RASSF6: variants seen among roughly 807,000 people sequenced by gnomAD.
RASSF6 encodes the protein ras association domain-containing protein 6.
RASSF6 carries 52 observed loss-of-function variants against 44.0 expected under a neutral mutation model. The observed-to-expected ratio is 1.18, with a 90% CI of 0.95 to 1.49. The LOEUF is 1.49. Among genes scored for constraint, RASSF6 ranks in the 40% most tolerant of loss-of-function variants. The probability of loss-of-function intolerance (pLI) is 0.00; values close to 1 mark genes in which losing one functional copy is unlikely to be tolerated. For synonymous variants in RASSF6, 162 were observed against 124.6 expected, an observed-to-expected ratio of 1.30 and a Z score of -2.00; for missense variants, 464 against 393.3, an observed-to-expected ratio of 1.18 and a Z score of -1.52.
In RASSF6 at chr4:73,613,213, T is replaced by C. The variant is rs1165119952; in HGVS notation, c.-34-1384A>G. The stretch of plus-strand genomic sequence containing the variant: ...AATGGCATCCTCTGATAGCACATCA[T>C]TGGCAGGTCTCATGCAGGACACCTG... On this transcript the variant is annotated intron_variant, in intron 1 of 10. Transcript: ENST00000307439. 4.6e-5 allele frequency among the ~76,000 whole-genome samples: 7 copies of C among 152,332 alleles called. No individual in the cohort carries two copies. The South Asian group carries it at 1.2e-3, about 27-fold the overall frequency.
At chr4:73,584,099 A>G (rs1332450241) in intron 6 of RASSF6, among the ~76,000 whole-genome samples, 1 of 152,138 alleles carries the variant, frequency 6.6e-6, no homozygotes, top group African/African-American at 2.4e-5. Flanking sequence ...GGGACTATCA[A>G]TGCTACTTTA....
At chr4:73,604,784 C>A (rs1267157239) in intron 2 of RASSF6, among the ~76,000 whole-genome samples, 2 of 151,542 alleles carry the variant, frequency 1.3e-5, no homozygotes, top group African/African-American at 4.8e-5. Context: ...TTAAACATTA[C>A]ATTAAATATG....
chr4:73,598,661 AT>A lies in RASSF6; in HGVS notation c.122del (p.Asn41IlefsTer14). The A allele has an allele frequency of 6.5e-7, 1 of 1,536,730 alleles. No individual in the cohort carries two copies. Among genetic ancestry groups the A allele is most frequent in the Non-Finnish European group, 8.9e-7 (1 of 1,128,004 alleles). On this transcript the variant is annotated frameshift_variant, in exon 3 of 11. Coordinates refer to ENST00000307439, the MANE Select transcript of RASSF6 (RefSeq NM_177532.5). LOFTEE classifies it high-confidence loss of function. ...TTACCTCTCCATATAAAATATGCAG[AT>A]TTTTCTGGTTCTCATAAAAAATGTT... Reference protein sequence around the residue: ...TYNIFYENQKNLHILYGETED... With the variant: ...TYNIFYENQKXLHILYGETED...
intron 3 of RASSF6, among the ~76,000 whole-genome samples, chr4:73,597,286 C>A (rs566098317): frequency 6.6e-6 from 1 of 152,110 alleles, no homozygotes; most frequent in South Asian, 2.1e-4. Flanking sequence ...GGGAAAAAAC[C>A]AAACAACCCC....
chr4:73,581,930 G>T, intron 7 of RASSF6, 62 bp from the exon 8 acceptor site: 1 of 1,251,992 alleles, frequency 8.0e-7, no homozygotes, highest in South Asian at 1.3e-5. Context: ...TTTCTAACCT[G>T]ACCAGACCCA....
In RASSF6 at chr4:73,587,886, C is replaced by T. The variant is rs1275176831; in HGVS notation, c.336G>A (p.Leu112=). Residue 112 remains leucine (L), a synonymous_variant, in exon 5 of 11, where the codon CTG becomes CTA. Coordinates refer to ENST00000307439, the MANE Select transcript of RASSF6 (RefSeq NM_177532.5). ...CAGACATAGGAATCTGGGTCCTGTC[C>T]AGCTCACTAATACGATAGAGATCGT... ...EFDDLYRISE[L]DRTQIPMSEK... 3 of 1,610,418 alleles carry T rather than the reference C, an allele frequency of 1.9e-6. No homozygotes were observed. Among genetic ancestry groups the T allele is most frequent in the African/African-American group, 1.3e-5 (1 of 74,886 alleles).
intron 2 of RASSF6, among the ~76,000 whole-genome samples, chr4:73,599,826 A>T (rs1725164174): frequency 1.3e-5 from 2 of 152,176 alleles, no homozygotes; most frequent in South Asian, 4.1e-4. Context: ...CAACATCCTT[A>T]CAATGGCTTA....
chr4:73,593,635 T>C (rs1396833257), intron 3 of RASSF6, 42 bp from the exon 4 acceptor site: 1 of 1,578,578 alleles, frequency 6.3e-7, no homozygotes, highest in Non-Finnish European at 8.6e-7. Context: ...TTTTGTATTA[T>C]TTATAGACGG....
At chr4:73,614,293 G>A (rs1045445021) in intron 1 of RASSF6, among the ~76,000 whole-genome samples, 5 of 152,216 alleles carry the variant, frequency 3.3e-5, no homozygotes, top group Admixed American at 6.5e-5. Flanking sequence ...TGGTCTGAAT[G>A]TTTGTGTCCC....
intron 1 of RASSF6, among the ~76,000 whole-genome samples, chr4:73,619,800 TG>T (rs1266237447): frequency 5.3e-5 from 8 of 152,018 alleles, no homozygotes; most frequent in Non-Finnish European, 1.0e-4. Flanking sequence ...ATTTTTTTTT[TG>T]GTGGGGGGCA....
chr4:73,590,978 A>G (rs1196820900), intron 4 of RASSF6, among the ~76,000 whole-genome samples: 1 of 152,230 alleles, frequency 6.6e-6, no homozygotes, highest in Non-Finnish European at 1.5e-5. Flanking sequence ...GTGGCAGTAT[A>G]TGGAGAGGCA....
intron 1 of RASSF6, among the ~76,000 whole-genome samples, chr4:73,618,301 T>TTATCTATCTATCTATTTATCTATC (rs1726492084): frequency 6.7e-6 from 1 of 150,216 alleles, no homozygotes; most frequent in African/African-American, 2.4e-5. Flanking sequence ...TATAAAGTTG[T>TTATCTATCTATCTATTTATCTATC]TATCTATCTA....
Position 73,585,204 on chromosome 4 carries a change from A to C in RASSF6, c.543T>G (p.Ile181Met). The C allele has an allele frequency of 6.2e-7, 1 of 1,608,774 alleles. No homozygotes were observed. The change falls in exon 6 of 11, where the codon ATT becomes ATG. Residue 181 changes from isoleucine to methionine, a missense_variant. Physicochemically the swap from Ile to Met is conservative, Grantham distance 10 (BLOSUM62 1). Transcript: ENST00000307439. The part of the protein sequence containing the change: ...RKERQKNRAS[I>M]NGHFYNHETS... ...CTTCATGGTTATAGAAGTGTCCATT[A>C]ATAGAGGCTCTATTTTTCTGTCTTT...
At chr4:73,589,675 T>G (rs2149376383) in intron 4 of RASSF6, among the ~76,000 whole-genome samples, 1 of 152,096 alleles carries the variant, frequency 6.6e-6, no homozygotes, top group Middle Eastern at 3.4e-3. Flanking sequence ...ACTGTGCACA[T>G]GACTAAGCTT....
At chr4:73,613,612 C>T (rs1230526636) in intron 1 of RASSF6, among the ~76,000 whole-genome samples, 47 of 152,180 alleles carry the variant, frequency 3.1e-4, no homozygotes. Flanking sequence ...CTCCACCTCT[C>T]CATCCATGTT....
chr4:73,597,456 T>A (rs904924637), intron 3 of RASSF6, among the ~76,000 whole-genome samples: 16 of 152,136 alleles, frequency 1.1e-4, no homozygotes, highest in Admixed American at 6.5e-5. Context: ...TGTCTATTAT[T>A]AAAAAGTCAA....
chr4:73,616,313 G>A (rs1231451887), intron 1 of RASSF6, among the ~76,000 whole-genome samples: 1 of 151,766 alleles, frequency 6.6e-6, no homozygotes, highest in Non-Finnish European at 1.5e-5. Flanking sequence ...CCCAGCCAAA[G>A]ACAATTTCTC....
At chr4:73,601,362 C>T (rs547908727) in intron 2 of RASSF6, among the ~76,000 whole-genome samples, 1 of 152,214 alleles carries the variant, frequency 6.6e-6, no homozygotes, top group Non-Finnish European at 1.5e-5. Flanking sequence ...GTAGTTGTAA[C>T]AGAAATCATA....
chr4:73,603,442 A>G (rs1156802243), intron 2 of RASSF6, among the ~76,000 whole-genome samples: 2 of 152,132 alleles, frequency 1.3e-5, no homozygotes, highest in African/African-American at 4.8e-5. Context: ...TGGCCCTGGA[A>G]GAGAGCTAGC....
Sources: gnomAD v4.1 joint callset for allele counts (sites outside exome capture counted in the v4.1 genomes callset) on GRCh38, gnomAD v4.1.1 for gene constraint, MANE v1.5 for transcripts, NCBI Gene and HGNC (gene_info 2026-07-23, HGNC 2026-07-21) for gene names.